The following SLC9A8 variants were observed in gnomAD, a reference collection of about 807,000 sequenced individuals.
SLC9A8 encodes sodium/hydrogen exchanger 8.
In SLC9A8, 48 loss-of-function variants were observed where a neutral mutation model predicts 66.6. That is an observed-to-expected ratio of 0.72 (90% CI 0.57 to 0.92). SLC9A8 has a LOEUF of 0.92. Among genes scored for constraint, SLC9A8 ranks in the 40% least tolerant of loss-of-function variants. SLC9A8 has a pLI of 0.00. For missense variants in SLC9A8, 599 were observed against 747.3 expected (o/e 0.80, Z 2.31); for synonymous variants, 274 against 282.6 (o/e 0.97, Z 0.31).
chr20:49,884,506 C>G (rs1600824256), intron 14 of SLC9A8, among the ~76,000 whole-genome samples: 1 of 152,076 alleles, frequency 6.6e-6, no homozygotes, highest in South Asian at 2.1e-4. Context: ...GAGTCTGGAC[C>G]TGTGCCACAA....
At chr20:49,877,561 T>C (rs1055780872) in intron 11 of SLC9A8, among the ~76,000 whole-genome samples, 2 of 152,120 alleles carry the variant, frequency 1.3e-5, no homozygotes, top group African/African-American at 4.8e-5. Flanking sequence ...AAGCTAATCA[T>C]GTGGAAGTTA....
At position 49,829,919 on chromosome 20, in the gene SLC9A8, A is replaced by G. The variant is rs929084888; in HGVS notation, c.289+6778A>G. 4 of 579,418 alleles carry G rather than the reference A, an allele frequency of 6.9e-6. No individual in the cohort carries two copies. In the African/African-American group the frequency reaches 7.5e-5, roughly 11 times the overall value. 35.9% of individuals were successfully genotyped at this position (579,418 alleles called of 1,614,324 possible). A position where few individuals can be genotyped will look rare whatever the true frequency, so the allele number is the denominator to read the frequency against. On this transcript the variant is annotated intron_variant, in intron 3 of 15. Transcript: ENST00000361573. ...AGGCTCCAAATCCCCTCTGAAAAGA[A>G]TCCAAGAGCAAAGTCCCCAGAAGCG... is the stretch of plus-strand genomic sequence containing the variant.
chr20:49,860,521 A>G (rs1261052252), intron 8 of SLC9A8, among the ~76,000 whole-genome samples: 1 of 152,106 alleles, frequency 6.6e-6, no homozygotes, highest in Non-Finnish European at 1.5e-5. Flanking sequence ...GTTCCATACC[A>G]GCCTGGCTAA....
intron 3 of SLC9A8, among the ~76,000 whole-genome samples, chr20:49,824,176 T>A (rs759792530): frequency 6.6e-6 from 1 of 152,220 alleles, no homozygotes; most frequent in Non-Finnish European, 1.5e-5. Context: ...TTATGCCTTA[T>A]GACCTCCAGG....
At chr20:49,845,559 C>T (rs1452685196) in intron 5 of SLC9A8, among the ~76,000 whole-genome samples, 1 of 152,178 alleles carries the variant, frequency 6.6e-6, no homozygotes, top group East Asian at 1.9e-4. Flanking sequence ...GCCCATCCAT[C>T]CTTCCATGTC....
At chr20:49,875,915 A>G (rs142573753) in intron 11 of SLC9A8, among the ~76,000 whole-genome samples, 56 of 151,866 alleles carry the variant, frequency 3.7e-4, no homozygotes, top group Non-Finnish European at 6.3e-4. Context: ...TGTTTTTTGT[A>G]TTTTTAGTAG....
intron 1 of SLC9A8, among the ~76,000 whole-genome samples, chr20:49,813,530 T>A (rs1175300096): frequency 2.0e-5 from 3 of 152,146 alleles, no homozygotes; most frequent in East Asian, 3.9e-4. Context: ...TAATTAACGT[T>A]ATTTGTGCCT....
At position 49,889,766 on chromosome 20, in the gene SLC9A8, G is replaced by A. The variant is rs576973954; in HGVS notation, c.*1830G>A. 1 of 152,294 alleles carries A rather than the reference G, an allele frequency of 6.6e-6. No homozygotes were observed. Among genetic ancestry groups the A allele is most frequent in the African/African-American group, 2.4e-5 (1 of 41,550 alleles). 9.4% of individuals were successfully genotyped at this position (152,294 alleles called of 1,614,324 possible). A position where few individuals can be genotyped will look rare whatever the true frequency, so the allele number is the denominator to read the frequency against. ...GGGACCTTTGCCTGCCCCTGGGCGA[G>A]TGCGGGCAGGGATCTGAGACCAGAT... On this transcript the variant is annotated 3_prime_UTR_variant, in exon 16 of 16. Transcript: ENST00000361573.
At chr20:49,841,973 C>T (rs2146571453) in intron 4 of SLC9A8, among the ~76,000 whole-genome samples, 1 of 152,268 alleles carries the variant, frequency 6.6e-6, no homozygotes, top group Non-Finnish European at 1.5e-5. Context: ...CTCCTGGGCT[C>T]AAGTGATCCT....
intron 2 of SLC9A8, among the ~76,000 whole-genome samples, chr20:49,820,419 C>T (rs1168731200): frequency 6.6e-6 from 1 of 151,984 alleles, no homozygotes; most frequent in Non-Finnish European, 1.5e-5. Context: ...TCATTTGAAC[C>T]TGGGAGGTGG....
intron 3 of SLC9A8, chr20:49,829,955 C>G (rs948520535): frequency 6.7e-6 from 4 of 596,516 alleles, no homozygotes; most frequent in African/African-American, 5.5e-5. Flanking sequence ...GGGTCAGCCC[C>G]CAAAGAATGA....
chr20:49,873,771 C>CA (rs35613935), intron 10 of SLC9A8, among the ~76,000 whole-genome samples: 2,840 of 59,650 alleles, frequency 0.048, 71 homozygotes, highest in African/African-American at 0.059. Context: ...AACTCCGTCT[C>CA]AAAAAAAAAA....
Position 49,864,726 on chromosome 20 carries a change from A to G in SLC9A8, c.853-13A>G. The G allele has an allele frequency of 6.3e-7, 1 of 1,599,576 alleles. No individual in the cohort carries two copies. Among genetic ancestry groups the G allele is most frequent in the Non-Finnish European group, 8.6e-7 (1 of 1,166,712 alleles). ...TCTCCCTCGATTCTCCTTCCTTGAC[A>G]GTTGTCATTTACGTGCTGAAGCATA... On this transcript the variant is annotated splice_polypyrimidine_tract_variant and intron_variant, in intron 9 of 15. Coordinates refer to ENST00000361573, the MANE Select transcript of SLC9A8 (RefSeq NM_015266.3).
chr20:49,872,432 G>A (rs2089249126), intron 10 of SLC9A8, among the ~76,000 whole-genome samples: 1 of 150,360 alleles, frequency 6.7e-6, no homozygotes, highest in Non-Finnish European at 1.5e-5. Context: ...TGACAAGTCT[G>A]TAATACAGTG....
At chr20:49,859,913 G>A (rs1347254649) in intron 8 of SLC9A8, among the ~76,000 whole-genome samples, 1 of 152,180 alleles carries the variant, frequency 6.6e-6, no homozygotes, top group Non-Finnish European at 1.5e-5. Context: ...AGGCCAGAAA[G>A]AGTCCAAATT....
At chr20:49,823,853 A>G (rs1173016441) in intron 3 of SLC9A8, among the ~76,000 whole-genome samples, 2 of 152,196 alleles carry the variant, frequency 1.3e-5, no homozygotes, top group African/African-American at 2.4e-5. Context: ...TCAGTTTATT[A>G]TATTGCAGTC....
intron 7 of SLC9A8, 87 bp downstream of exon 7, chr20:49,850,931 T>C (rs1375663237): frequency 4.6e-6 from 4 of 866,406 alleles, no homozygotes; most frequent in Non-Finnish European, 7.1e-6. Flanking sequence ...TGTGGTACTG[T>C]TCTATTCTCT....
At chr20:49,861,361 T>C (rs1288627960) in intron 8 of SLC9A8, among the ~76,000 whole-genome samples, 1 of 152,144 alleles carries the variant, frequency 6.6e-6, no homozygotes, top group African/African-American at 2.4e-5. Flanking sequence ...CTGGGCAATA[T>C]GGTGAAATCC....
intron 14 of SLC9A8, 192 bp downstream of exon 14, chr20:49,884,258 C>CAT (rs1404641225): frequency 9.3e-6 from 2 of 216,214 alleles, no homozygotes; most frequent in Non-Finnish European, 1.8e-5. Flanking sequence ...CACACACACA[C>CAT]GACACACACA....
Sources: gnomAD v4.1 joint callset for allele counts (sites outside exome capture counted in the v4.1 genomes callset) on GRCh38, gnomAD v4.1.1 for gene constraint, MANE v1.5 for transcripts, NCBI Gene and HGNC (gene_info 2026-07-23, HGNC 2026-07-21) for gene names.